Variants in ACMSD observed in about 807,000 individuals in gnomAD.
The protein encoded by ACMSD is aminocarboxymuconate semialdehyde decarboxylase, also known as 2-amino-3-carboxymuconate-6-semialdehyde decarboxylase.
In ACMSD, 37 loss-of-function variants were observed where a neutral mutation model predicts 45.9. That is an observed-to-expected ratio of 0.81 (90% CI 0.62 to 1.06). The LOEUF is 1.06. Ranked by LOEUF, ACMSD falls within the 50% of genes least tolerant of loss-of-function variation. The pLI is 0.00. For synonymous variants in ACMSD, 138 were observed against 148.8 expected (o/e 0.93, Z 0.53); for missense variants, 434 against 420.9 (o/e 1.03, Z -0.27).
chr2:134,884,406 G>T (rs1262178374), intron 8 of ACMSD, among the ~76,000 whole-genome samples: 1 of 152,006 alleles, frequency 6.6e-6, no homozygotes. Flanking sequence ...TATCCAAGAA[G>T]GCCATAATAC....
chr2:134,876,861 A>G (rs1379986514), intron 8 of ACMSD, among the ~76,000 whole-genome samples: 1 of 152,132 alleles, frequency 6.6e-6, no homozygotes, highest in Non-Finnish European at 1.5e-5. Flanking sequence ...AGCTCACTGC[A>G]GCCTCCACCT....
chr2:134,849,599 CAA>C (rs1234974411), intron 2 of ACMSD, among the ~76,000 whole-genome samples: 1 of 152,166 alleles, frequency 6.6e-6, no homozygotes, highest in Non-Finnish European at 1.5e-5. Context: ...CCTGTTCTCT[CAA>C]AGTTCTTTCC....
intron 5 of ACMSD, among the ~76,000 whole-genome samples, chr2:134,865,618 G>A (rs971703251): frequency 5.9e-5 from 9 of 152,182 alleles, no homozygotes; most frequent in African/African-American, 1.9e-4. Flanking sequence ...AGCAAGGTTT[G>A]CCTGCCTCTC....
chr2:134,845,123 G>C, intron 1 of ACMSD, 110 bp from the exon 2 acceptor site: 1 of 1,065,726 alleles, frequency 9.4e-7, no homozygotes, highest in Non-Finnish European at 1.5e-6. Flanking sequence ...GGGGGAAATG[G>C]GAAGGCAATG....
chr2:134,844,285 ATTAC>A (rs1470609391), intron 1 of ACMSD: 3 of 152,190 alleles, frequency 2.0e-5, no homozygotes, highest in African/African-American at 7.2e-5. Flanking sequence ...TTATGAAACC[ATTAC>A]TTAATACACG....
intron 5 of ACMSD, among the ~76,000 whole-genome samples, chr2:134,865,598 T>C (rs1425612674): frequency 1.3e-5 from 2 of 152,172 alleles, no homozygotes; most frequent in African/African-American, 4.8e-5. Context: ...GGCAGCATAT[T>C]TGTTTGGTTA....
intron 2 of ACMSD, among the ~76,000 whole-genome samples, chr2:134,850,269 C>CTT (rs774889131): frequency 6.3e-5 from 7 of 110,564 alleles, no homozygotes; most frequent in African/African-American, 9.8e-5. Context: ...AAATAGATTT[C>CTT]TTTTTTTTTT....
At position 134,860,685 on chromosome 2, in the gene ACMSD, T is replaced by G. The variant is rs562382391; in HGVS notation, c.200-1284T>G. On this transcript the variant is annotated intron_variant, in intron 3 of 9. Coordinates refer to ENST00000356140, the MANE Select transcript of ACMSD (RefSeq NM_138326.3). ...GTCTCCAGCATGTTGGAATTTGTTG[T>G]AGATACCTTTGTCCAGGTTTTGCTT... Among the ~76,000 whole-genome samples, 30 of 152,170 alleles carry G rather than the reference T, an allele frequency of 2.0e-4. No homozygotes were observed. In the South Asian group the frequency reaches 6.0e-3, roughly 31 times the overall value.
chr2:134,842,651 CATT>C (rs1004167251), intron 1 of ACMSD, among the ~76,000 whole-genome samples: 9 of 152,312 alleles, frequency 5.9e-5, no homozygotes, highest in Non-Finnish European at 1.3e-4. Context: ...CCATCAGCAT[CATT>C]GTTAGCATGA....
At chr2:134,901,301 G>A (rs1375509277) in intron 9 of ACMSD, among the ~76,000 whole-genome samples, 7 of 152,040 alleles carry the variant, frequency 4.6e-5, no homozygotes, top group Admixed American at 2.0e-4. Flanking sequence ...TAAGATGTAC[G>A]GATTTGTACC....
At chr2:134,846,314 C>G (rs1687049886) in intron 2 of ACMSD, among the ~76,000 whole-genome samples, 1 of 152,220 alleles carries the variant, frequency 6.6e-6, no homozygotes, top group African/African-American at 2.4e-5. Context: ...GGCCCTACCC[C>G]AGTCCTACCA....
chr2:134,892,203 T>C (rs1055333658), intron 8 of ACMSD, among the ~76,000 whole-genome samples: 1 of 146,960 alleles, frequency 6.8e-6, no homozygotes, highest in African/African-American at 2.6e-5. Flanking sequence ...ATAACAAAAC[T>C]GCACTTGTAC....
chr2:134,876,939 ACCCAGTGTATTTTTAGTAGAGATGGGTTT>A (rs1288707708), intron 8 of ACMSD, among the ~76,000 whole-genome samples: 5 of 151,896 alleles, frequency 3.3e-5, no homozygotes, highest in African/African-American at 1.2e-4. Flanking sequence ...GCACCACCAC[ACCCAGTGTATTTTTAGTAGAGATGGGTTT>A]CACGATGTTA....
intron 2 of ACMSD, among the ~76,000 whole-genome samples, chr2:134,850,855 C>G (rs995106239): frequency 6.6e-6 from 1 of 152,068 alleles, no homozygotes; most frequent in East Asian, 1.9e-4. Context: ...TATCAAGTGA[C>G]GCTGAGGTTT....
intron 7 of ACMSD, among the ~76,000 whole-genome samples, 164 bp downstream of exon 7, chr2:134,871,224 C>T (rs1459283771): frequency 6.6e-6 from 1 of 152,216 alleles, no homozygotes; most frequent in African/African-American, 2.4e-5. Flanking sequence ...CTCTTCCTAG[C>T]TTGCACATGG....
In ACMSD at chr2:134,901,986, C is replaced by T; in HGVS notation, c.*126C>T. On this transcript the variant is annotated 3_prime_UTR_variant, in exon 10 of 10. Transcript: ENST00000356140. ...CTCAGAAATGAATGTCCCAAATATC[C>T]TAAATTATTCATAATAAAAATGATT... 3 of 510,868 alleles carry T rather than the reference C, an allele frequency of 5.9e-6. No individual in the cohort carries two copies. The highest frequency in any genetic ancestry group is 2.0e-5 in the African/African-American group (1 of 51,016). The allele number at this position is 510,868 out of a possible 1,614,324, so 31.6% of individuals were successfully genotyped here. A position where few individuals can be genotyped will look rare whatever the true frequency, so the allele number is the denominator to read the frequency against.
intron 9 of ACMSD, among the ~76,000 whole-genome samples, chr2:134,898,988 C>A (rs1690343905): frequency 6.6e-6 from 1 of 152,008 alleles, no homozygotes; most frequent in Non-Finnish European, 1.5e-5. Context: ...AAATGAGATG[C>A]AGTGTCTTCA....
intron 8 of ACMSD, among the ~76,000 whole-genome samples, chr2:134,889,560 A>G (rs2104943338): frequency 6.6e-6 from 1 of 152,336 alleles, no homozygotes; most frequent in South Asian, 2.1e-4. Flanking sequence ...TAACAGAATA[A>G]CAAATACAAA....
intron 1 of ACMSD, among the ~76,000 whole-genome samples, chr2:134,843,050 T>C (rs1413197358): frequency 6.6e-6 from 1 of 152,190 alleles, no homozygotes; most frequent in Non-Finnish European, 1.5e-5. Flanking sequence ...ACATTAAGGA[T>C]AAAAATTCAA....
Sources: allele counts gnomAD v4.1 joint callset (sites outside exome capture counted in the v4.1 genomes callset), GRCh38; gene constraint gnomAD v4.1.1; transcripts MANE v1.5; gene names NCBI Gene and HGNC (gene_info 2026-07-23, HGNC 2026-07-21).